Variants in EED observed in about 807,000 individuals in gnomAD.
The protein encoded by EED is polycomb protein EED.
In EED, 9 loss-of-function variants were observed where a neutral mutation model predicts 61.0. The ratio of observed to expected loss-of-function variants is 0.15; its 90% confidence interval spans 0.09 to 0.26. The LOEUF is 0.26. Among genes scored for constraint, EED ranks in the 10% least tolerant of loss-of-function variants. The pLI, the probability that EED is intolerant of heterozygous loss-of-function variation, is 1.00. For synonymous variants in EED, 187 were observed against 174.4 expected (o/e 1.07, Z -0.57); for missense variants, 315 against 542.3 (o/e 0.58, Z 4.16).
chr11:86,245,134 G>T lies in EED; in HGVS notation c.-96G>T. On this transcript the variant is annotated 5_prime_UTR_variant, in exon 1 of 12. Transcript: ENST00000263360. ...GGGCGGTGGAGGTGGCGGCGGCAGC[G>T]GCAACTTTGCGGCAAGCTCGGGCCG... 1 of 958,888 alleles carries T rather than the reference G, an allele frequency of 1.0e-6. No individual in the cohort carries two copies. Among genetic ancestry groups the T allele is most frequent in the Non-Finnish European group, 1.5e-6 (1 of 647,116 alleles). The allele number at this position is 958,888 out of a possible 1,614,324, so 59.4% of individuals were successfully genotyped here.
chr11:86,250,238 T>G, intron 1 of EED, 58 bp from the exon 2 acceptor site: 2 of 1,383,084 alleles, frequency 1.4e-6, no homozygotes, highest in Non-Finnish European at 1.9e-6. Context: ...GTAGAGTTAT[T>G]TACTGCTAAA....
At chr11:86,269,704 G>A (rs1393694533) in intron 9 of EED, among the ~76,000 whole-genome samples, 1 of 152,104 alleles carries the variant, frequency 6.6e-6, no homozygotes, top group Non-Finnish European at 1.5e-5. Flanking sequence ...CAATGTGTGT[G>A]TTTAGTTTTA....
At chr11:86,278,147 A>G (rs2138240674) in intron 11 of EED, 156 bp downstream of exon 11, 3 of 1,335,614 alleles carry the variant, frequency 2.2e-6, no homozygotes, top group East Asian at 2.8e-5. Context: ...TATTCCAATA[A>G]TTTTTGTTTT....
downstream of EED, among the ~76,000 whole-genome samples, chr11:86,279,672 T>TA (rs1241801355): frequency 6.6e-6 from 1 of 152,214 alleles, no homozygotes; most frequent in Non-Finnish European, 1.5e-5. Context: ...TTTCTATAAA[T>TA]ATGTATATTT....
At chr11:86,268,668 G>A in intron 9 of EED, 107 bp downstream of exon 9, 1 of 645,848 alleles carries the variant, frequency 1.5e-6, no homozygotes, top group African/African-American at 1.9e-5. Context: ...AGCACTTTAT[G>A]TAGTTTATTA....
intron 6 of EED, among the ~76,000 whole-genome samples, chr11:86,258,812 TC>T (rs1465777605): frequency 6.6e-6 from 1 of 152,050 alleles, no homozygotes; most frequent in African/African-American, 2.4e-5. Flanking sequence ...TGTCTCAGCC[TC>T]CTAAAGTGCT....
In EED at chr11:86,244,794, A is replaced by G. The variant is rs1039451974; in HGVS notation, c.-436A>G. 4.3e-6 allele frequency: 1 copy of G among 234,212 alleles called. No individual in the cohort carries two copies. Among genetic ancestry groups the G allele is most frequent in the African/African-American group, 2.2e-5 (1 of 45,046 alleles). The allele number at this position is 234,212 out of a possible 1,614,324, so 14.5% of individuals were successfully genotyped here. A position where few individuals can be genotyped will look rare whatever the true frequency, so the allele number is the denominator to read the frequency against. On this transcript the variant is annotated 5_prime_UTR_variant, in exon 1 of 12. Coordinates refer to ENST00000263360, the MANE Select transcript of EED (RefSeq NM_003797.5). Reference sequence around the variant, plus strand: ...CTCCCTAGCAGCGGGTCGGAGATCGAAGGAACGGGCCAATTGCGGCTGAAA... The same window carrying G: ...CTCCCTAGCAGCGGGTCGGAGATCGGAGGAACGGGCCAATTGCGGCTGAAA...
chr11:86,248,733 T>G (rs112309269), intron 1 of EED, among the ~76,000 whole-genome samples: 5 of 151,290 alleles, frequency 3.3e-5, no homozygotes, highest in African/African-American at 1.2e-4. Flanking sequence ...GAAAAAAGAG[T>G]TGTGGCTGGG....
chr11:86,245,652 C>G (rs1945374739), intron 1 of EED, among the ~76,000 whole-genome samples: 1 of 151,696 alleles, frequency 6.6e-6, no homozygotes, highest in South Asian at 2.1e-4. Context: ...GAGTGCGGGT[C>G]TGAGATTCTA....
At chr11:86,282,802 G>T (rs1439452521), downstream of EED, among the ~76,000 whole-genome samples, 1 of 152,070 alleles carries the variant, frequency 6.6e-6, no homozygotes, top group Non-Finnish European at 1.5e-5. Context: ...TAGACAACTG[G>T]GTATGGCTGT....
At chr11:86,247,281 C>CTTG (rs1329210417) in intron 1 of EED, among the ~76,000 whole-genome samples, 1 of 152,168 alleles carries the variant, frequency 6.6e-6, no homozygotes, top group Admixed American at 6.5e-5. Context: ...AAGCCTTAAT[C>CTTG]TTGTAGAGTC....
downstream of EED, among the ~76,000 whole-genome samples, chr11:86,283,235 GAAGC>G (rs1323664322): frequency 6.6e-6 from 1 of 152,066 alleles, no homozygotes; most frequent in African/African-American, 2.4e-5. Context: ...GATTGACAAT[GAAGC>G]AAGCTCTATG....
At chr11:86,283,281 AT>A (rs1219118470), downstream of EED, among the ~76,000 whole-genome samples, 2 of 152,346 alleles carry the variant, frequency 1.3e-5, no homozygotes, top group Middle Eastern at 3.4e-3. Flanking sequence ...AAATAAAAAA[AT>A]AAATAAAAAT....
At chr11:86,257,381 G>A in intron 5 of EED, 134 bp from the exon 6 acceptor site, 1 of 458,406 alleles carries the variant, frequency 2.2e-6, no homozygotes, top group Non-Finnish European at 3.5e-6. Context: ...AAGTTTGTTG[G>A]GTGATTTTAG....
chr11:86,245,121 T>TGGC lies in EED; in HGVS notation c.-102_-100dup, dbSNP rs1945354482. 2.8e-6 allele frequency: 2 copies of TGGC among 709,938 alleles called. No individual in the cohort carries two copies. Among genetic ancestry groups the TGGC allele is most frequent in the African/African-American group, 4.0e-5 (2 of 50,104 alleles). The allele number at this position is 709,938 out of a possible 1,614,324, so 44.0% of individuals were successfully genotyped here. ...GCGACAGTGGGGGGGGCGGTGGAGGTGGCGGCGGCAGCGGCAACTTTGCGG... is the reference window on the plus strand; with the variant it reads ...GCGACAGTGGGGGGGGCGGTGGAGGTGGCGGCGGCGGCAGCGGCAACTTTGCGG... On this transcript the variant is annotated 5_prime_UTR_variant, in exon 1 of 12. Transcript: ENST00000263360.
the EED span, among the ~76,000 whole-genome samples, chr11:86,286,133 C>T: frequency 2.0e-5 from 3 of 151,094 alleles, no homozygotes; most frequent in African/African-American, 7.3e-5. Flanking sequence ...CAGGTTCAAG[C>T]AATTCTCCTG....
chr11:86,281,633 T>G (rs1009400427), downstream of EED, among the ~76,000 whole-genome samples: 4 of 152,302 alleles, frequency 2.6e-5, no homozygotes, highest in African/African-American at 9.6e-5. Context: ...TTCATTTGTC[T>G]CAAGGTATCT....
At chr11:86,246,201 G>A (rs1174503788) in intron 1 of EED, among the ~76,000 whole-genome samples, 2 of 152,182 alleles carry the variant, frequency 1.3e-5, no homozygotes, top group African/African-American at 4.8e-5. Context: ...AGTAAGAGCC[G>A]AATTGACATA....
chr11:86,274,653 C>T (rs1001377611), intron 9 of EED, among the ~76,000 whole-genome samples: 2 of 152,152 alleles, frequency 1.3e-5, no homozygotes, highest in Non-Finnish European at 2.9e-5. Flanking sequence ...TCAGCTGATA[C>T]CACCCTAGCT....
Sources: gnomAD v4.1 joint callset for allele counts (sites outside exome capture counted in the v4.1 genomes callset) on GRCh38, gnomAD v4.1.1 for gene constraint, MANE v1.5 for transcripts, NCBI Gene and HGNC (gene_info 2026-07-23, HGNC 2026-07-21) for gene names.